The following UBXN4 variants were observed in gnomAD, a reference collection of about 807,000 sequenced individuals.
UBXN4 encodes UBX domain-containing protein 4.
A neutral mutation model predicts 66.2 loss-of-function variants in UBXN4; 35 were observed. That is an observed-to-expected ratio of 0.53 (90% CI 0.40 to 0.70). The LOEUF (loss-of-function observed/expected upper bound fraction) is 0.70, where lower values mean the gene tolerates loss of function less well. Among genes scored for constraint, UBXN4 ranks in the 30% least tolerant of loss-of-function variants. The pLI, the probability that UBXN4 is intolerant of heterozygous loss-of-function variation, is 0.00. For missense variants in UBXN4, 533 were observed against 599.8 expected, an observed-to-expected ratio of 0.89 and a Z score of 1.16; for synonymous variants, 203 against 204.5, an observed-to-expected ratio of 0.99 and a Z score of 0.06.
At chr2:135,745,950 T>C (rs2077205394) in intron 1 of UBXN4, among the ~76,000 whole-genome samples, 2 of 127,926 alleles carry the variant, frequency 1.6e-5, no homozygotes, top group South Asian at 5.4e-4. Context: ...CAATCTCGGC[T>C]CACTACAACC....
intron 5 of UBXN4, 41 bp downstream of exon 5, chr2:135,755,732 T>G: frequency 8.1e-7 from 1 of 1,241,904 alleles, no homozygotes; most frequent in Non-Finnish European, 1.1e-6. Context: ...TAGAAGCTCC[T>G]TCACTACATT....
chr2:135,777,906 A>G (rs1235741555), intron 10 of UBXN4, among the ~76,000 whole-genome samples: 8 of 131,860 alleles, frequency 6.1e-5, no homozygotes, highest in African/African-American at 2.3e-4. Context: ...GGCTGGGCGC[A>G]GTGGCTCACG....
intron 6 of UBXN4, among the ~76,000 whole-genome samples, chr2:135,763,160 A>G (rs902631007): frequency 2.0e-5 from 3 of 152,210 alleles, no homozygotes; most frequent in African/African-American, 4.8e-5. Context: ...TTCATTGACA[A>G]TGACAATAAC....
intron 2 of UBXN4, among the ~76,000 whole-genome samples, chr2:135,751,802 GATA>G (rs2077243791): frequency 6.6e-6 from 1 of 151,414 alleles, no homozygotes; most frequent in Admixed American, 6.6e-5. Flanking sequence ...ATGTTTTTAT[GATA>G]ATAATGCTTT....
chr2:135,771,252 G>T (rs368400899), intron 8 of UBXN4, among the ~76,000 whole-genome samples: 12 of 152,250 alleles, frequency 7.9e-5, no homozygotes, highest in Admixed American at 5.2e-4. Context: ...TAAGGAGGGC[G>T]GATCACCTCA....
At chr2:135,750,693 CT>C (rs201911359) in intron 2 of UBXN4, among the ~76,000 whole-genome samples, 7,610 of 146,046 alleles carry the variant, frequency 0.052, 342 homozygotes, top group African/African-American at 0.12. Context: ...TTAAGTATAT[CT>C]TTTTTTTTTT....
chr2:135,775,586 A>G (rs2077409823), intron 9 of UBXN4, among the ~76,000 whole-genome samples: 1 of 152,172 alleles, frequency 6.6e-6, no homozygotes, highest in South Asian at 2.1e-4. Flanking sequence ...AAAATAGACA[A>G]ATCCGTAGAG....
intron 1 of UBXN4, among the ~76,000 whole-genome samples, chr2:135,744,724 C>T (rs1390097080): frequency 6.6e-6 from 1 of 152,008 alleles, no homozygotes; most frequent in Non-Finnish European, 1.5e-5. Context: ...AGGATACTGC[C>T]GATACAAAGG....
chr2:135,748,934 GC>G (rs1331093916), intron 2 of UBXN4, among the ~76,000 whole-genome samples: 1 of 151,412 alleles, frequency 6.6e-6, no homozygotes, highest in Non-Finnish European at 1.5e-5. Context: ...TACTCGGGGG[GC>G]TGAGGTAAGA....
rs755650722 is a variant in UBXN4 at position 135,755,594 on chromosome 2, A to T, written c.411A>T (p.Ser137=). The change falls in exon 5 of 13, where the codon TCA becomes TCT. Residue 137 remains serine (S), a synonymous_variant. Coordinates refer to ENST00000272638, the MANE Select transcript of UBXN4 (RefSeq NM_014607.4). ...SESSVSTPSA[S]FEPNNTCENS... ...GTTCAGTGTCTACTCCATCTGCGTC[A>T]TTTGAACCTAACAACACTTGTGAAA... 1 of 1,610,526 alleles carries T rather than the reference A, an allele frequency of 6.2e-7. No homozygotes were observed. The highest frequency in any genetic ancestry group is 8.5e-7 in the Non-Finnish European group (1 of 1,178,280).
chr2:135,782,742 G>A lies in UBXN4; in HGVS notation c.1389-7G>A, dbSNP rs745331404. 5.6e-6 allele frequency: 9 copies of A among 1,605,488 alleles called. No individual in the cohort carries two copies. Among genetic ancestry groups the A allele is most frequent in the Admixed American group, 1.7e-5 (1 of 57,632 alleles). On this transcript the variant is annotated splice_region_variant and splice_polypyrimidine_tract_variant and intron_variant, in intron 12 of 12. Transcript: ENST00000272638. ...ATCTTCCCCTTGCTCCCTCTTTTTC[G>A]TATCAGGGAACCAGTGAGAAAAAGA...
intron 5 of UBXN4, among the ~76,000 whole-genome samples, chr2:135,756,948 G>A (rs1015364912): frequency 6.6e-6 from 1 of 152,138 alleles, no homozygotes; most frequent in Non-Finnish European, 1.5e-5. Flanking sequence ...CCCCTGTAAG[G>A]AGTATGTTGC....
rs1261948487 is a variant in UBXN4 at position 135,783,223 on chromosome 2, T to G, written c.*336T>G. ...TGACACGTTTTGTTTAGAGCTACTTTGCTCCAAGACTCTTAAGCCCAAAGT... is the reference window on the plus strand; with the variant it reads ...TGACACGTTTTGTTTAGAGCTACTTGGCTCCAAGACTCTTAAGCCCAAAGT... On this transcript the variant is annotated 3_prime_UTR_variant, in exon 13 of 13. Transcript: ENST00000272638. The G allele has an allele frequency of 6.0e-6, 1 of 166,166 alleles. No homozygotes were observed. The highest frequency in any genetic ancestry group is 6.2e-5 in the Admixed American group (1 of 16,010). The allele number at this position is 166,166 out of a possible 1,614,324, so 10.3% of individuals were successfully genotyped here. A position where few individuals can be genotyped will look rare whatever the true frequency, so the allele number is the denominator to read the frequency against.
chr2:135,742,061 C>T (rs942449134), intron 1 of UBXN4, 50 bp downstream of exon 1: 3 of 1,595,106 alleles, frequency 1.9e-6, no homozygotes, highest in Non-Finnish European at 2.6e-6. Context: ...CTCCGGCCTA[C>T]CTTCATCCTC....
chr2:135,750,883 T>A (rs1176232981), intron 2 of UBXN4, among the ~76,000 whole-genome samples: 16 of 111,318 alleles, frequency 1.4e-4, no homozygotes, highest in Middle Eastern at 6.5e-3. Flanking sequence ...TGAGACGGAG[T>A]CTTGCTCTGT....
intron 12 of UBXN4, 108 bp from the exon 13 acceptor site, chr2:135,782,641 T>C: frequency 7.3e-7 from 1 of 1,362,738 alleles, no homozygotes; most frequent in East Asian, 2.3e-5. Flanking sequence ...TTAGATGGCA[T>C]TAAAAGTAAA....
At chr2:135,778,900 ATC>A in intron 10 of UBXN4, 46 bp from the exon 11 acceptor site, 1 of 1,545,270 alleles carries the variant, frequency 6.5e-7, no homozygotes, top group Non-Finnish European at 8.7e-7. Context: ...TCTGAGTAAT[ATC>A]TTACTTTTAA....
chr2:135,750,628 C>T (rs2077235138), intron 2 of UBXN4, among the ~76,000 whole-genome samples: 2 of 152,000 alleles, frequency 1.3e-5, no homozygotes, highest in Non-Finnish European at 2.9e-5. Context: ...TGTCTCACAA[C>T]AGTTACTGAA....
chr2:135,760,262 C>A (rs1210636861), intron 5 of UBXN4, among the ~76,000 whole-genome samples: 1 of 151,960 alleles, frequency 6.6e-6, no homozygotes, highest in East Asian at 1.9e-4. Context: ...AAAACCCAGT[C>A]TCCATACAAA....
Sources: allele counts gnomAD v4.1 joint callset (sites outside exome capture counted in the v4.1 genomes callset), GRCh38; gene constraint gnomAD v4.1.1; transcripts MANE v1.5; gene names NCBI Gene and HGNC (gene_info 2026-07-23, HGNC 2026-07-21).